TGM6: variants seen among roughly 807,000 people sequenced by gnomAD.
TGM6 encodes protein-glutamine gamma-glutamyltransferase 6.
In TGM6, 74 loss-of-function variants were observed where a neutral mutation model predicts 77.5. The observed-to-expected ratio is 0.96, with a 90% CI of 0.79 to 1.16. TGM6 has a LOEUF of 1.16. Among genes scored for constraint, TGM6 ranks in the 50% most tolerant of loss-of-function variants. The pLI, the probability that TGM6 is intolerant of heterozygous loss-of-function variation, is 0.00. For synonymous variants in TGM6, 383 were observed against 378.9 expected (o/e 1.01, Z -0.12); for missense variants, 968 against 940.2 (o/e 1.03, Z -0.39).
Position 2,403,457 on chromosome 20 carries a change from T to A in TGM6, c.1050T>A (p.Asn350Lys). The A allele has an allele frequency of 6.2e-7, 1 of 1,614,130 alleles. No homozygotes were observed. Among genetic ancestry groups the A allele is most frequent in the South Asian group, 1.1e-5 (1 of 91,074 alleles). ...FARQDLGPSYNGWQVLDATPQ... is the reference protein window; with the variant it reads ...FARQDLGPSYKGWQVLDATPQ... ...GGCAGGACCTAGGCCCCTCTTACAA[T>A]GGCTGGCAGGTTCTGGATGCCACCC... Residue 350 changes from asparagine to lysine, a missense_variant, in exon 8 of 13, where the codon AAT becomes AAA. Coordinates refer to ENST00000202625, the MANE Select transcript of TGM6 (RefSeq NM_198994.3).
intron 5 of TGM6, among the ~76,000 whole-genome samples, chr20:2,399,139 T>TG (rs2084687943): frequency 1.2e-5 from 1 of 85,598 alleles, no homozygotes; most frequent in African/African-American, 4.1e-5. Flanking sequence ...TTTTTGCATC[T>TG]GAAAAAAAAA....
At chr20:2,411,134 T>C (rs2084781890) in intron 9 of TGM6, among the ~76,000 whole-genome samples, 1 of 152,202 alleles carries the variant, frequency 6.6e-6, no homozygotes, top group Non-Finnish European at 1.5e-5. Flanking sequence ...AGTATTATCC[T>C]GATACCAAAA....
intron 10 of TGM6, among the ~76,000 whole-genome samples, chr20:2,428,470 T>C (rs1270156235): frequency 1.3e-5 from 2 of 152,194 alleles, no homozygotes; most frequent in Non-Finnish European, 2.9e-5. Flanking sequence ...TGCTGGAGAC[T>C]GAGAATTTAC....
intron 2 of TGM6, 99 bp from the exon 3 acceptor site, chr20:2,395,095 G>T: frequency 1.3e-6 from 2 of 1,544,794 alleles, no homozygotes; most frequent in East Asian, 2.3e-5. Flanking sequence ...AGAAGTTCAG[G>T]GGGTGAAGGT....
In TGM6 at chr20:2,432,633, C is replaced by T. The variant is rs1375716417; in HGVS notation, c.2111C>T (p.Thr704Ile). 3 of 1,614,048 alleles carry T rather than the reference C, an allele frequency of 1.9e-6. No homozygotes were observed. Among genetic ancestry groups the T allele is most frequent in the Non-Finnish European group, 1.7e-6 (2 of 1,180,040 alleles). ...IKGFVIVHVA[T>I]AK Reference sequence around the variant, plus strand: ...GGCTTTGTGATCGTCCATGTGGCCACTGCCAAGTGATGGATCATGAGGGAC... The same window carrying T: ...GGCTTTGTGATCGTCCATGTGGCCATTGCCAAGTGATGGATCATGAGGGAC... Residue 704 changes from threonine to isoleucine, a missense_variant, in exon 13 of 13, where the codon ACT (threonine) becomes ATT (isoleucine). Physicochemically the swap from Thr to Ile is moderately conservative, Grantham distance 89. Coordinates refer to ENST00000202625, the MANE Select transcript of TGM6 (RefSeq NM_198994.3).
chr20:2,421,690 G>A (rs936092963), intron 10 of TGM6, among the ~76,000 whole-genome samples: 18 of 152,034 alleles, frequency 1.2e-4, no homozygotes, highest in African/African-American at 3.9e-4. Context: ...GTCTTTTATC[G>A]GATGTCTTTT....
chr20:2,400,526 A>C, intron 7 of TGM6, 82 bp downstream of exon 7: 2 of 1,591,242 alleles, frequency 1.3e-6, no homozygotes, highest in Non-Finnish European at 1.7e-6. Flanking sequence ...TAACACCACC[A>C]GGGAGCGGCA....
chr20:2,411,300 T>C (rs1013112841), intron 9 of TGM6, among the ~76,000 whole-genome samples: 2 of 152,162 alleles, frequency 1.3e-5, no homozygotes, highest in Non-Finnish European at 2.9e-5. Context: ...TTATATGCCA[T>C]GAGCAAGTGG....
At chr20:2,387,189 T>C (rs893377028) in intron 1 of TGM6, among the ~76,000 whole-genome samples, 6 of 152,206 alleles carry the variant, frequency 3.9e-5, no homozygotes, top group Non-Finnish European at 8.8e-5. Context: ...ACAAGGTACC[T>C]GGTTGCGGGA....
At chr20:2,429,753 G>A (rs1293571132) in intron 10 of TGM6, among the ~76,000 whole-genome samples, 3 of 151,706 alleles carry the variant, frequency 2.0e-5, no homozygotes, top group African/African-American at 7.3e-5. Flanking sequence ...TCGCGACAGA[G>A]CGAGACTCCG....
intron 4 of TGM6, among the ~76,000 whole-genome samples, chr20:2,397,106 G>A (rs2084674499): frequency 6.6e-6 from 1 of 152,196 alleles, no homozygotes; most frequent in Non-Finnish European, 1.5e-5. Context: ...GAAGGAAAAA[G>A]TCAGAATGAT....
At chr20:2,381,096 A>G (rs1323624072) in intron 1 of TGM6, 121 bp downstream of exon 1, 1 of 1,400,812 alleles carries the variant, frequency 7.1e-7, no homozygotes, top group Non-Finnish European at 9.9e-7. Flanking sequence ...TGGATAGTCC[A>G]CCATGAACAC....
intron 10 of TGM6, among the ~76,000 whole-genome samples, chr20:2,420,582 A>G (rs1283373483): frequency 2.0e-5 from 3 of 152,240 alleles, no homozygotes; most frequent in Non-Finnish European, 4.4e-5. Flanking sequence ...TTCCACTGTC[A>G]TACAGAATAG....
Position 2,406,851 on chromosome 20 carries a change from A to C in TGM6, c.1336+3028A>C, listed in dbSNP as rs866896272. Among the ~76,000 whole-genome samples, 691 of 147,794 alleles carry C rather than the reference A, an allele frequency of 4.7e-3. 29 individuals carry two copies. The highest frequency in any genetic ancestry group is 0.016 in the African/African-American group (650 of 39,944). On this transcript the variant is annotated intron_variant, in intron 9 of 12. Transcript: ENST00000202625. Reference sequence around the variant, plus strand: ...CTCCTCAAAAAAAAAAAAAAAAAAAAAAAAAAAAAAAAAAACCATGGCCAC... The same window carrying C: ...CTCCTCAAAAAAAAAAAAAAAAAAACAAAAAAAAAAAAAAACCATGGCCAC...
intron 9 of TGM6, among the ~76,000 whole-genome samples, chr20:2,411,860 T>C (rs1052823845): frequency 4.6e-5 from 7 of 152,238 alleles, no homozygotes; most frequent in African/African-American, 1.7e-4. Context: ...TTGGCACTGA[T>C]GTCTTGAATA....
chr20:2,409,426 A>G (rs962861334), intron 9 of TGM6, among the ~76,000 whole-genome samples: 2 of 152,216 alleles, frequency 1.3e-5, no homozygotes, highest in Non-Finnish European at 2.9e-5. Flanking sequence ...GAACCTAGAA[A>G]AATGGCTGGA....
intron 1 of TGM6, among the ~76,000 whole-genome samples, chr20:2,386,358 T>A (rs755585853): frequency 3.3e-5 from 5 of 151,886 alleles, no homozygotes; most frequent in African/African-American, 4.8e-5. Flanking sequence ...AGTGACCTCC[T>A]GGGTTATGGG....
chr20:2,432,520 C>T lies in TGM6; in HGVS notation c.1998C>T (p.Ala666=). The part of the protein sequence containing the change: ...DVPTLEPQER[A]SVQFDITPSK... Reference sequence around the variant, plus strand: ...CTACCCTGGAGCCTCAGGAGAGGGCCTCAGTCCAGTTTGACATCACCCCCT... The same window carrying T: ...CTACCCTGGAGCCTCAGGAGAGGGCTTCAGTCCAGTTTGACATCACCCCCT... Residue 666 remains alanine (A), a synonymous_variant, in exon 13 of 13, where the codon GCC becomes GCT. Coordinates refer to ENST00000202625, the MANE Select transcript of TGM6 (RefSeq NM_198994.3). 6.2e-7 allele frequency: 1 copy of T among 1,614,140 alleles called. No homozygotes were observed. Among genetic ancestry groups the T allele is most frequent in the South Asian group, 1.1e-5 (1 of 91,078 alleles).
intron 9 of TGM6, 117 bp from the exon 10 acceptor site, chr20:2,417,113 CAA>C: frequency 1.1e-6 from 1 of 871,272 alleles, no homozygotes; most frequent in Non-Finnish European, 1.8e-6. Flanking sequence ...GAATCAAACA[CAA>C]GGCATGTGGC....
Sources: gnomAD v4.1 joint callset for allele counts (sites outside exome capture counted in the v4.1 genomes callset) on GRCh38, gnomAD v4.1.1 for gene constraint, MANE v1.5 for transcripts, NCBI Gene and HGNC (gene_info 2026-07-23, HGNC 2026-07-21) for gene names.